EBF1: variants seen among roughly 807,000 people sequenced by gnomAD.
EBF1 encodes the protein EBF transcription factor 1, also known as transcription factor COE1.
A neutral mutation model predicts 68.4 loss-of-function variants in EBF1; 10 were observed. The ratio of observed to expected loss-of-function variants is 0.15; its 90% CI spans 0.09 to 0.25. EBF1 has a LOEUF of 0.25. EBF1 is among the 10% of genes least tolerant of loss of function. The pLI, the probability that EBF1 is intolerant of heterozygous loss-of-function variation, is 1.00. For missense variants in EBF1, 509 were observed against 794.4 expected, an observed-to-expected ratio of 0.64 and a Z score of 4.32; for synonymous variants, 298 against 299.8, an observed-to-expected ratio of 0.99 and a Z score of 0.06.
At chr5:159,036,083 A>C (rs1054302489) in intron 6 of EBF1, among the ~76,000 whole-genome samples, 1 of 152,168 alleles carries the variant, frequency 6.6e-6, no homozygotes, top group Non-Finnish European at 1.5e-5. Context: ...AGAGTAAGGG[A>C]TAAAGTTTGT....
In EBF1 at chr5:158,938,349, C is replaced by G. The variant is rs147050658; in HGVS notation, c.555-98239G>C. Among the ~76,000 whole-genome samples, 701 of 152,324 alleles carry G rather than the reference C, an allele frequency of 4.6e-3. 2 individuals are homozygous for G. The highest frequency in any genetic ancestry group is 8.4e-3 in the Non-Finnish European group (570 of 68,024). On this transcript the variant is annotated intron_variant, in intron 6 of 15. Coordinates refer to ENST00000313708, the MANE Select transcript of EBF1 (RefSeq NM_024007.5). Reference sequence around the variant, plus strand: ...CTTCACCTTTCACCCCCCTCCTCCCCTCCTCTGCTCCAGCATTATAAGCTA... The same window carrying G: ...CTTCACCTTTCACCCCCCTCCTCCCGTCCTCTGCTCCAGCATTATAAGCTA...
intron 9 of EBF1, among the ~76,000 whole-genome samples, chr5:158,778,623 A>G (rs1310216437): frequency 6.6e-6 from 1 of 152,190 alleles, no homozygotes; most frequent in Non-Finnish European, 1.5e-5. Context: ...CACAGATAAC[A>G]CCATGAGAGG....
intron 6 of EBF1, among the ~76,000 whole-genome samples, chr5:158,849,610 G>C (rs1028196203): frequency 1.3e-5 from 2 of 152,174 alleles, no homozygotes; most frequent in African/African-American, 4.8e-5. Context: ...ACGGACTTCT[G>C]ATAGTGCCTT....
At chr5:158,717,680 T>C (rs957803196) in intron 11 of EBF1, among the ~76,000 whole-genome samples, 1 of 152,068 alleles carries the variant, frequency 6.6e-6, no homozygotes, top group Non-Finnish European at 1.5e-5. Flanking sequence ...CAAATACTAG[T>C]ATCCTAAATA....
chr5:158,918,504 C>CAAGACA (rs146855143), intron 6 of EBF1, among the ~76,000 whole-genome samples: 1 of 151,476 alleles, frequency 6.6e-6, no homozygotes, highest in African/African-American at 2.4e-5. Flanking sequence ...ATTAGTGTTA[C>CAAGACA]GAGACAGAGA....
chr5:159,065,563 C>T (rs930864678), intron 6 of EBF1, among the ~76,000 whole-genome samples: 1 of 152,106 alleles, frequency 6.6e-6, no homozygotes, highest in African/African-American at 2.4e-5. Flanking sequence ...TCTTCCTACC[C>T]ACACATGGTA....
At chr5:158,979,717 C>CT (rs149613269) in intron 6 of EBF1, among the ~76,000 whole-genome samples, 6 of 150,322 alleles carry the variant, frequency 4.0e-5, no homozygotes, top group Non-Finnish European at 5.9e-5. Context: ...GGAAATTCAA[C>CT]TTTTTTTTTC....
chr5:159,014,551 G>A (rs1238043486), intron 6 of EBF1, among the ~76,000 whole-genome samples: 1 of 152,150 alleles, frequency 6.6e-6, no homozygotes, highest in African/African-American at 2.4e-5. Flanking sequence ...AAAGCAAGAG[G>A]AATCTAAGTG....
At chr5:159,012,381 T>C (rs966778393) in intron 6 of EBF1, among the ~76,000 whole-genome samples, 1 of 152,196 alleles carries the variant, frequency 6.6e-6, no homozygotes, top group Non-Finnish European at 1.5e-5. Flanking sequence ...AGTCTAATCA[T>C]GGCCACTGCC....
At chr5:158,798,090 T>C (rs1252318376) in intron 8 of EBF1, among the ~76,000 whole-genome samples, 1 of 152,240 alleles carries the variant, frequency 6.6e-6, no homozygotes, top group African/African-American at 2.4e-5. Context: ...AGAAATAAAC[T>C]ATATTTAACA....
At chr5:159,072,325 T>C (rs1777946867) in intron 6 of EBF1, among the ~76,000 whole-genome samples, 1 of 152,224 alleles carries the variant, frequency 6.6e-6, no homozygotes, top group Admixed American at 6.5e-5. Flanking sequence ...ATAAATTATG[T>C]TGAAGCGAAG....
chr5:158,788,475 T>C (rs1160089815), intron 9 of EBF1, among the ~76,000 whole-genome samples: 2 of 152,118 alleles, frequency 1.3e-5, no homozygotes, highest in Non-Finnish European at 2.9e-5. Context: ...TGGTTGAGGA[T>C]GTTGAAAAGA....
In EBF1 at chr5:158,769,985, T is replaced by C. The variant is rs546228402; in HGVS notation, c.1036+7428A>G. 2.0e-5 allele frequency among the ~76,000 whole-genome samples: 3 copies of C among 152,284 alleles called. No individual in the cohort carries two copies. The East Asian group carries it at 5.8e-4, about 29-fold the overall frequency. ...CAGCTGAATCCCTAAGTGAAAACAA[T>C]CTGACAAAAAAGAAAACACATTCTT... On this transcript the variant is annotated intron_variant, in intron 10 of 15. Transcript: ENST00000313708.
intron 8 of EBF1, among the ~76,000 whole-genome samples, chr5:158,816,021 G>A (rs991968277): frequency 6.6e-6 from 1 of 152,120 alleles, no homozygotes; most frequent in Non-Finnish European, 1.5e-5. Flanking sequence ...AAATCAATTG[G>A]TAAATTGTAA....
chr5:158,729,108 C>A (rs1156250507), intron 11 of EBF1, among the ~76,000 whole-genome samples: 2 of 152,168 alleles, frequency 1.3e-5, no homozygotes, highest in East Asian at 3.9e-4. Flanking sequence ...ACTCAACTGG[C>A]AAATCATCAT....
intron 6 of EBF1, among the ~76,000 whole-genome samples, chr5:158,917,294 A>G (rs1342324093): frequency 6.6e-6 from 1 of 152,206 alleles, no homozygotes; most frequent in African/African-American, 2.4e-5. Flanking sequence ...CCAAGCCTCC[A>G]GTTCCCTCAT....
At chr5:158,969,920 A>AGAAAGAAAG in intron 6 of EBF1, among the ~76,000 whole-genome samples, 1 of 68,662 alleles carries the variant, frequency 1.5e-5, no homozygotes, top group Admixed American at 1.4e-4. Flanking sequence ...AAGAAAGAAA[A>AGAAAGAAAG]AAAAAAAAAA....
intron 10 of EBF1, among the ~76,000 whole-genome samples, chr5:158,739,947 T>C (rs1314415592): frequency 1.3e-5 from 2 of 152,216 alleles, no homozygotes; most frequent in Non-Finnish European, 2.9e-5. Context: ...ATAAACCGCA[T>C]TGATTTAACA....
intron 6 of EBF1, among the ~76,000 whole-genome samples, chr5:158,932,920 A>C (rs1811193447): frequency 6.6e-6 from 1 of 152,334 alleles, no homozygotes; most frequent in African/African-American, 2.4e-5. Flanking sequence ...AGCATGGTCC[A>C]AGATCCTCAT....
Sources: allele counts gnomAD v4.1 joint callset (sites outside exome capture counted in the v4.1 genomes callset), GRCh38; gene constraint gnomAD v4.1.1; transcripts MANE v1.5; gene names NCBI Gene and HGNC (gene_info 2026-07-23, HGNC 2026-07-21).